Variants in GHRL observed in about 807,000 individuals in gnomAD.
The protein encoded by GHRL is appetite-regulating hormone.
GHRL carries 24 observed loss-of-function variants against 16.9 expected under a neutral mutation model. That is an observed-to-expected ratio of 1.42 (90% CI 1.03 to 2.00). The LOEUF (loss-of-function observed/expected upper bound fraction) is 2.00, where lower values mean the gene tolerates loss of function less well. GHRL is among the 30% of genes most tolerant of loss of function. GHRL has a pLI of 0.00. For synonymous variants in GHRL, 63 were observed against 58.2 expected (o/e 1.08, Z -0.37); for missense variants, 193 against 142.1 (o/e 1.36, Z -1.82).
chr3:10,286,756 G>A lies in GHRL; in HGVS notation c.282C>T (p.His94=). ...IKLSGVQYQQ[H]SQALGKFLQD... ...GAAGAAACTTCCCCAGGGCCTGGCT[G>A]TGCTGCTGGTACTGAACCCCTGACA... The change falls in exon 5 of 6, where the codon CAC becomes CAT. Residue 94 remains histidine, a synonymous_variant. Transcript: ENST00000335542. The A allele has an allele frequency of 1.5e-5, 24 of 1,613,332 alleles. No homozygotes were observed. Among genetic ancestry groups the A allele is most frequent in the Non-Finnish European group, 2.0e-5 (24 of 1,179,236 alleles).
intron 5 of GHRL, 145 bp from the exon 6 acceptor site, chr3:10,286,039 G>A (rs1404079328): frequency 4.2e-6 from 3 of 716,254 alleles, no homozygotes; most frequent in Admixed American, 2.4e-5. Flanking sequence ...GCACTCAAGT[G>A]TGGACTGTTG....
chr3:10,286,633 A>T, intron 5 of GHRL, 71 bp downstream of exon 5: 2 of 789,734 alleles, frequency 2.5e-6, no homozygotes, highest in Non-Finnish European at 2.2e-6. Context: ...GGGAAAACTC[A>T]TCACCCACAG....
chr3:10,288,523 G>T (rs1393346722), intron 4 of GHRL, among the ~76,000 whole-genome samples: 3 of 152,210 alleles, frequency 2.0e-5, no homozygotes, highest in Non-Finnish European at 4.4e-5. Flanking sequence ...CTCTGGCTGG[G>T]ATGACCATGT....
At chr3:10,290,275 A>T in intron 2 of GHRL, 66 bp from the exon 3 acceptor site, 2 of 1,487,476 alleles carry the variant, frequency 1.3e-6, no homozygotes, top group Non-Finnish European at 9.1e-7. Context: ...TTGCTCAGGT[A>T]GGAGCCCAGC....
chr3:10,286,561 C>T, intron 5 of GHRL, 143 bp downstream of exon 5: 1 of 589,146 alleles, frequency 1.7e-6, no homozygotes, highest in Non-Finnish European at 3.1e-6. Flanking sequence ...TACTAGCCAA[C>T]CACTATCCTG....
At chr3:10,291,812 C>T (rs983350199) in intron 1 of GHRL, among the ~76,000 whole-genome samples, 5 of 152,060 alleles carry the variant, frequency 3.3e-5, no homozygotes, top group Admixed American at 1.3e-4. Flanking sequence ...CTGGGGCTTG[C>T]GGCAGGGATG....
In GHRL at chr3:10,291,153, G is replaced by A. The variant is rs914529675; in HGVS notation, c.-467C>T. 41 of 985,608 alleles carry A rather than the reference G, an allele frequency of 4.2e-5. No individual in the cohort carries two copies. The highest frequency in any genetic ancestry group is 4.6e-5 in the Non-Finnish European group (38 of 830,128). 61.1% of individuals were successfully genotyped at this position (985,608 alleles called of 1,614,324 possible). ...TCCAGCGCCCCGTTGTTTCCCATGT[G>A]CTGTTGCTGCTCTGGCCTCTGTGAG... On this transcript the variant is annotated 5_prime_UTR_variant, in exon 2 of 6. Transcript: ENST00000335542.
Position 10,290,165 on chromosome 3 carries a change from T to C in GHRL, c.16A>G (p.Thr6Ala), listed in dbSNP as rs559789290. ...CCGAGGAGCAGGAGGCTGCAGACGGTCCCTGGGGAGGGCATGGCCTCAGCT... is the reference window on the plus strand; with the variant it reads ...CCGAGGAGCAGGAGGCTGCAGACGGCCCCTGGGGAGGGCATGGCCTCAGCT... MPSPGTVCSLLLLGML... is the reference protein window; with the variant it reads MPSPGAVCSLLLLGML... The change falls in exon 3 of 6, where the codon ACC becomes GCC. Residue 6 changes from threonine (T) to alanine (A), a missense_variant. Thr to Ala is a moderately conservative substitution (Grantham distance 58). Transcript: ENST00000335542. 6.2e-7 allele frequency: 1 copy of C among 1,612,046 alleles called. No homozygotes were observed. Among genetic ancestry groups the C allele is most frequent in the South Asian group, 1.1e-5 (1 of 90,624 alleles).
rs779267772 is a variant in GHRL at position 10,286,707 on chromosome 3, T to C, written c.331A>G (p.Lys111Glu). Residue 111 changes from lysine (K) to glutamate (E), a missense_variant, in exon 5 of 6, where the codon AAA becomes GAA. By Grantham distance (56) the Lys-to-Glu change is moderately conservative. Coordinates refer to ENST00000335542, the MANE Select transcript of GHRL (RefSeq NM_016362.5). ...ACCCAGTCCAGGCAGGACTCACCTTTGGCCTCTTCCCAGAGGATGTCCTGA... is the reference window on the plus strand; with the variant it reads ...ACCCAGTCCAGGCAGGACTCACCTTCGGCCTCTTCCCAGAGGATGTCCTGA... The part of the protein sequence containing the change: ...FLQDILWEEA[K>E]EAPADK 6.4e-7 allele frequency: 1 copy of C among 1,561,948 alleles called. No individual in the cohort carries two copies. Among genetic ancestry groups the C allele is most frequent in the Non-Finnish European group, 8.8e-7 (1 of 1,132,298 alleles).
intron 4 of GHRL, 132 bp from the exon 5 acceptor site, chr3:10,286,944 C>G (rs1699176116): frequency 1.6e-6 from 1 of 606,396 alleles, no homozygotes; most frequent in Admixed American, 2.8e-5. Context: ...CCAGCAGGGA[C>G]TGCTGAGTGA....
chr3:10,289,598 C>T lies in GHRL; in HGVS notation c.225+164G>A, dbSNP rs188342940. On this transcript the variant is annotated intron_variant, in intron 4 of 5. Transcript: ENST00000335542. Reference sequence around the variant, plus strand: ...ATATTTTTCTCTTAATGGGTAAAGACCTCACAGAGCCCAGGGCAGAGCTCA... The same window carrying T: ...ATATTTTTCTCTTAATGGGTAAAGATCTCACAGAGCCCAGGGCAGAGCTCA... Among the ~76,000 whole-genome samples, 11 of 152,250 alleles carry T rather than the reference C, an allele frequency of 7.2e-5. No individual in the cohort carries two copies. In the East Asian group the frequency reaches 2.1e-3, roughly 29 times the overall value.
intron 4 of GHRL, 189 bp from the exon 5 acceptor site, chr3:10,287,001 C>T (rs375611690): frequency 1.0e-4 from 56 of 536,014 alleles, no homozygotes; most frequent in Non-Finnish European, 1.0e-5. Flanking sequence ...AGCTCACCTT[C>T]CCACTCACCA....
intron 4 of GHRL, among the ~76,000 whole-genome samples, chr3:10,289,525 C>T (rs1367295051): frequency 6.6e-6 from 1 of 152,220 alleles, no homozygotes; most frequent in Admixed American, 6.5e-5. Context: ...CTCCTCTGCC[C>T]AGGCTCCTTC....
chr3:10,291,801 GC>G (rs1375378270), intron 1 of GHRL, among the ~76,000 whole-genome samples: 1 of 152,146 alleles, frequency 6.6e-6, no homozygotes, highest in Non-Finnish European at 1.5e-5. Context: ...CTCACCTTAG[GC>G]TGGGGCTTGC....
chr3:10,292,335 G>A (rs964252024), intron 1 of GHRL: 1 of 159,178 alleles, frequency 6.3e-6, no homozygotes, highest in African/African-American at 2.4e-5. Flanking sequence ...AAATCAGTCT[G>A]CGCTGAACAG....
At chr3:10,287,065 G>T in intron 4 of GHRL, 1 of 326,636 alleles carries the variant, frequency 3.1e-6, no homozygotes. Flanking sequence ...GCCTCTAATG[G>T]GATTGCTGAT....
chr3:10,289,907 C>G, intron 3 of GHRL, 29 bp from the exon 4 acceptor site: 2 of 1,555,176 alleles, frequency 1.3e-6, no homozygotes, highest in Non-Finnish European at 1.8e-6. Flanking sequence ...CTGTTTAGGA[C>G]TCTAAGCCCC....
chr3:10,287,584 T>C (rs1699266666), intron 4 of GHRL: 1 of 153,796 alleles, frequency 6.5e-6, no homozygotes, highest in Non-Finnish European at 1.5e-5. Flanking sequence ...TATTGGGCAC[T>C]GACTTATCTG....
rs146812524 is a variant in GHRL, at chr3:10,288,847, G to A, written c.225+915C>T. ...ACCAGTGAGGAGGAAGAGGGCTTGG[G>A]GACTGGAGTCAGCCCTGACCTTGTG... On this transcript the variant is annotated intron_variant, in intron 4 of 5. Coordinates refer to ENST00000335542, the MANE Select transcript of GHRL (RefSeq NM_016362.5). 7.1e-3 allele frequency among the ~76,000 whole-genome samples: 1,087 copies of A among 152,312 alleles called. 10 individuals are homozygous for A. Among genetic ancestry groups the A allele is most frequent in the African/African-American group, 0.025 (1,022 of 41,554 alleles).
Sources: allele counts gnomAD v4.1 joint callset (sites outside exome capture counted in the v4.1 genomes callset), GRCh38; gene constraint gnomAD v4.1.1; transcripts MANE v1.5; gene names NCBI Gene and HGNC (gene_info 2026-07-23, HGNC 2026-07-21).